Variants in EP300 observed in about 807,000 individuals in gnomAD.
EP300 encodes EP300 lysine acetyltransferase, also known as histone acetyltransferase p300.
EP300 carries 31 observed loss-of-function variants against 264.0 expected under a neutral mutation model. The observed-to-expected ratio is 0.12, with a 90% CI of 0.09 to 0.16. EP300 has a LOEUF of 0.16. Among genes scored for constraint, EP300 ranks in the 10% least tolerant of loss-of-function variants. The pLI is 1.00. For synonymous variants in EP300, 1,340 were observed against 1,045.4 expected, an observed-to-expected ratio of 1.28 and a Z score of -5.44; for missense variants, 2,766 against 3,052.9, an observed-to-expected ratio of 0.91 and a Z score of 2.21.
chr22:41,169,317 A>C (rs2059157000), intron 25 of EP300, 186 bp from the exon 26 acceptor site: 1 of 610,290 alleles, frequency 1.6e-6, no homozygotes, highest in Non-Finnish European at 2.9e-6. Flanking sequence ...AGGAAACCAC[A>C]GGCTCACTGA....
In EP300 at chr22:41,149,027, T is replaced by C; in HGVS notation, c.2242-11T>C. On this transcript the variant is annotated splice_polypyrimidine_tract_variant and intron_variant, in intron 12 of 30. Coordinates refer to ENST00000263253, the MANE Select transcript of EP300 (RefSeq NM_001429.4). The stretch of plus-strand genomic sequence containing the variant: ...AGCAGTTTGGTGATTTGTGTTTTTT[T>C]TTTTTTTCAGCCTATGGGCTATGGG... 1.2e-6 allele frequency: 2 copies of C among 1,613,770 alleles called. No individual in the cohort carries two copies. The highest frequency in any genetic ancestry group is 1.3e-5 in the African/African-American group (1 of 75,002).
chr22:41,129,378 T>C (rs1157643186), intron 4 of EP300, among the ~76,000 whole-genome samples: 1 of 152,174 alleles, frequency 6.6e-6, no homozygotes, highest in Non-Finnish European at 1.5e-5. Context: ...TTAAAGGTCT[T>C]CCCATGTGGT....
intron 4 of EP300, among the ~76,000 whole-genome samples, chr22:41,129,642 T>C (rs1479054704): frequency 6.6e-6 from 1 of 152,234 alleles, no homozygotes; most frequent in Non-Finnish European, 1.5e-5. Flanking sequence ...ATGAGGGCTC[T>C]TAAGCCAGAC....
intron 27 of EP300, among the ~76,000 whole-genome samples, chr22:41,171,736 C>T (rs1012345123): frequency 2.0e-5 from 3 of 151,822 alleles, no homozygotes; most frequent in East Asian, 1.9e-4. Flanking sequence ...CTCAGCCTCC[C>T]GAGTAGCTGG....
chr22:41,141,572 G>C (rs2058982453), intron 10 of EP300, among the ~76,000 whole-genome samples: 1 of 152,138 alleles, frequency 6.6e-6, no homozygotes, highest in Admixed American at 6.5e-5. Flanking sequence ...ATGTTTGTAG[G>C]CTGACCAGGT....
At position 41,173,496 on chromosome 22, in the gene EP300, A is replaced by G. The variant is rs141695289; in HGVS notation, c.4618-127A>G. 7,686 of 983,198 alleles carry G rather than the reference A, an allele frequency of 7.8e-3. 56 individuals are homozygous for G. The highest frequency in any genetic ancestry group is 0.012 in the Admixed American group (503 of 40,722). The allele number at this position is 983,198 out of a possible 1,614,324, so 60.9% of individuals were successfully genotyped here. ...AGGAGAAAGAATAAGTGAAGAGAAC[A>G]GCTAGTAAAATAAGTTACAGGCATA... On this transcript the variant is annotated intron_variant, in intron 28 of 30. Coordinates refer to ENST00000263253, the MANE Select transcript of EP300 (RefSeq NM_001429.4).
chr22:41,124,599 C>G (rs1392988151), intron 2 of EP300, among the ~76,000 whole-genome samples: 1 of 152,052 alleles, frequency 6.6e-6, no homozygotes, highest in African/African-American at 2.4e-5. Flanking sequence ...GAATTTGAGA[C>G]CAGCCTGGGC....
chr22:41,140,003 AATTTC>A (rs1278916832), intron 8 of EP300, 132 bp from the exon 9 acceptor site: 12 of 683,832 alleles, frequency 1.8e-5, no homozygotes, highest in African/African-American at 5.4e-5. Flanking sequence ...ACAAAAAGAT[AATTTC>A]ATTTCAGTAA....
chr22:41,166,697 C>G, intron 23 of EP300, 31 bp downstream of exon 23: 1 of 1,494,120 alleles, frequency 6.7e-7, no homozygotes, highest in Non-Finnish European at 9.3e-7. Flanking sequence ...TAAATTTTGG[C>G]AAAACTTATC....
intron 1 of EP300, among the ~76,000 whole-genome samples, chr22:41,112,389 T>C (rs5995996): frequency 6.6e-6 from 1 of 151,452 alleles, no homozygotes; most frequent in East Asian, 1.9e-4. Context: ...AGTAGAGATG[T>C]GGTTTCGCTA....
chr22:41,125,717 G>C, intron 2 of EP300, 147 bp from the exon 3 acceptor site: 1 of 842,312 alleles, frequency 1.2e-6, no homozygotes, highest in Non-Finnish European at 1.8e-6. Flanking sequence ...GTTTTGTCAC[G>C]TTGCCCAAGC....
intron 22 of EP300, among the ~76,000 whole-genome samples, chr22:41,165,708 C>A (rs111532451): frequency 1.9e-3 from 290 of 152,200 alleles, no homozygotes; most frequent in Non-Finnish European, 3.5e-3. Context: ...CAGCATGAGC[C>A]ACTGCACCTG....
chr22:41,113,432 T>C (rs1265096522), intron 1 of EP300, among the ~76,000 whole-genome samples: 2 of 152,300 alleles, frequency 1.3e-5, no homozygotes, highest in South Asian at 2.1e-4. Flanking sequence ...TATGCTTTTG[T>C]CTTTGATTGT....
intron 1 of EP300, among the ~76,000 whole-genome samples, chr22:41,098,218 T>G (rs546411011): frequency 6.6e-6 from 1 of 152,264 alleles, no homozygotes; most frequent in East Asian, 1.9e-4. Context: ...GACGGTAGTT[T>G]CATTTTGAAA....
At chr22:41,142,722 A>G (rs2058989935) in intron 10 of EP300, among the ~76,000 whole-genome samples, 1 of 152,158 alleles carries the variant, frequency 6.6e-6, no homozygotes, top group African/African-American at 2.4e-5. Flanking sequence ...CATCTCTACT[A>G]AAAATACAAA....
intron 1 of EP300, among the ~76,000 whole-genome samples, chr22:41,114,123 G>T (rs752589733): frequency 6.6e-6 from 1 of 152,134 alleles, no homozygotes; most frequent in Non-Finnish European, 1.5e-5. Flanking sequence ...ATATTAAGCA[G>T]GCATTTTTGA....
chr22:41,157,950 G>A (rs958146066), intron 18 of EP300, among the ~76,000 whole-genome samples: 3 of 152,258 alleles, frequency 2.0e-5, no homozygotes, highest in African/African-American at 7.2e-5. Flanking sequence ...TCAACAGACT[G>A]TTAACTCATC....
At chr22:41,137,623 C>T in intron 7 of EP300, 30 bp from the exon 8 acceptor site, 1 of 1,614,142 alleles carries the variant, frequency 6.2e-7, no homozygotes, top group Non-Finnish European at 8.5e-7. Context: ...CCTTTCTTCA[C>T]TAAAACTATT....
chr22:41,178,277 T>TGCA lies in EP300; in HGVS notation c.6567_6569dup (p.Gln2195dup). The TGCA allele has an allele frequency of 6.2e-7, 1 of 1,614,018 alleles. No homozygotes were observed. Among genetic ancestry groups the TGCA allele is most frequent in the Non-Finnish European group, 8.5e-7 (1 of 1,180,002 alleles). ...GACATCTTGAGACGACAGCAAATGA[T>TGCA]GCAACAGCAGCAGCAACAGGGAGCA... is the stretch of plus-strand genomic sequence containing the variant. On this transcript the variant is annotated inframe_insertion, in exon 31 of 31. Transcript: ENST00000263253.
Sources: allele counts gnomAD v4.1 joint callset (sites outside exome capture counted in the v4.1 genomes callset), GRCh38; gene constraint gnomAD v4.1.1; transcripts MANE v1.5; gene names NCBI Gene and HGNC (gene_info 2026-07-23, HGNC 2026-07-21).